The following MTSS1 variants were observed in gnomAD, a reference collection of about 807,000 sequenced individuals.
The protein encoded by MTSS1 is protein MTSS 1.
In MTSS1, 18 loss-of-function variants were observed where a neutral mutation model predicts 79.0. The observed-to-expected ratio is 0.23, with a 90% CI of 0.16 to 0.34. The LOEUF is 0.34. MTSS1 is among the 10% of genes least tolerant of loss of function. MTSS1 has a pLI of 1.00. For synonymous variants in MTSS1, 341 were observed against 368.6 expected (o/e 0.93, Z 0.86); for missense variants, 815 against 986.2 (o/e 0.83, Z 2.33).
At chr8:124,651,464 T>TG (rs1287825747) in intron 3 of MTSS1, among the ~76,000 whole-genome samples, 217 of 147,744 alleles carry the variant, frequency 1.5e-3, no homozygotes, top group Non-Finnish European at 2.4e-3. Context: ...TTTTTTTTGG[T>TG]GGGGGGGGAG....
intron 6 of MTSS1, among the ~76,000 whole-genome samples, chr8:124,574,863 A>C (rs1010096960): frequency 5.3e-5 from 8 of 152,122 alleles, no homozygotes; most frequent in African/African-American, 1.7e-4. Flanking sequence ...GACTCACACA[A>C]ATTCATTCTA....
chr8:124,569,688 T>C (rs1827317657), intron 6 of MTSS1, among the ~76,000 whole-genome samples: 1 of 152,208 alleles, frequency 6.6e-6, no homozygotes, highest in South Asian at 2.1e-4. Context: ...CCTAGTACAA[T>C]GTCATGTGTG....
chr8:124,686,963 C>T (rs988515730), intron 3 of MTSS1, among the ~76,000 whole-genome samples: 1 of 152,074 alleles, frequency 6.6e-6, no homozygotes, highest in Admixed American at 6.6e-5. Context: ...CCAAGAGTTT[C>T]CCCATTTGCA....
At chr8:124,590,923 G>A (rs1303389923) in intron 4 of MTSS1, among the ~76,000 whole-genome samples, 3 of 152,372 alleles carry the variant, frequency 2.0e-5, no homozygotes, top group Admixed American at 2.0e-4. Flanking sequence ...GACCCATGCA[G>A]GAGCACAGGC....
chr8:124,556,509 G>A, intron 11 of MTSS1, 104 bp from the exon 12 acceptor site: 1 of 1,302,168 alleles, frequency 7.7e-7, no homozygotes, highest in Non-Finnish European at 1.0e-6. Flanking sequence ...GTCCCCTTAA[G>A]GGGAACCTCC....
At chr8:124,560,632 C>T (rs1825071761) in intron 10 of MTSS1, among the ~76,000 whole-genome samples, 1 of 152,152 alleles carries the variant, frequency 6.6e-6, no homozygotes, top group African/African-American at 2.4e-5. Flanking sequence ...TCCTGGGCAA[C>T]AGAGTGAGAC....
chr8:124,622,659 G>A (rs1813811984), intron 3 of MTSS1, among the ~76,000 whole-genome samples: 1 of 151,938 alleles, frequency 6.6e-6, no homozygotes, highest in African/African-American at 2.4e-5. Flanking sequence ...GCTGGTCTTG[G>A]TGGCATACTC....
intron 1 of MTSS1, among the ~76,000 whole-genome samples, chr8:124,716,983 T>C: frequency 6.7e-6 from 1 of 149,264 alleles, no homozygotes; most frequent in East Asian, 1.9e-4. Context: ...GTACTTGTTG[T>C]AGGGTTGCTT....
At chr8:124,588,808 G>A (rs773668008) in intron 5 of MTSS1, among the ~76,000 whole-genome samples, 4 of 152,128 alleles carry the variant, frequency 2.6e-5, no homozygotes, top group Admixed American at 6.6e-5. Flanking sequence ...TCTGCCTCCT[G>A]GGTTCAAACA....
chr8:124,581,462 ATT>A (rs1251577592), intron 6 of MTSS1, among the ~76,000 whole-genome samples: 1 of 86,396 alleles, frequency 1.2e-5, no homozygotes, highest in African/African-American at 4.3e-5. Context: ...GAATTTTTTT[ATT>A]TTTTTTTTTG....
At chr8:124,609,910 T>C (rs1835497706) in intron 3 of MTSS1, among the ~76,000 whole-genome samples, 1 of 152,160 alleles carries the variant, frequency 6.6e-6, no homozygotes, top group African/African-American at 2.4e-5. Flanking sequence ...TGGGGGGAAA[T>C]GAGACATTCT....
At chr8:124,574,475 C>G (rs1828552452) in intron 6 of MTSS1, among the ~76,000 whole-genome samples, 1 of 152,230 alleles carries the variant, frequency 6.6e-6, no homozygotes, top group African/African-American at 2.4e-5. Context: ...ACGGGCACAG[C>G]TAGAATCCAG....
At chr8:124,724,337 G>C (rs751780499) in intron 1 of MTSS1, among the ~76,000 whole-genome samples, 7 of 152,152 alleles carry the variant, frequency 4.6e-5, no homozygotes, top group Admixed American at 1.3e-4. Context: ...AAACACAGGT[G>C]GGGGGCGGTG....
intron 6 of MTSS1, among the ~76,000 whole-genome samples, chr8:124,579,209 G>A (rs1298956518): frequency 1.3e-5 from 2 of 152,118 alleles, no homozygotes; most frequent in Admixed American, 6.6e-5. Context: ...TCAGGCTCTC[G>A]GCAAAGGTTC....
At chr8:124,692,775 C>T (rs572419837) in intron 3 of MTSS1, among the ~76,000 whole-genome samples, 6 of 152,234 alleles carry the variant, frequency 3.9e-5, no homozygotes, top group East Asian at 1.9e-4. Context: ...CGAGAACTGA[C>T]GGGCTTCCCA....
rs553224506 is a variant in MTSS1 at position 124,594,361 on chromosome 8, T to A, written c.209-3126A>T. ...GCCTGGCCAACATGATGAAACCTCA[T>A]CTCTACTAAAAATACAAAAATCAGC... On this transcript the variant is annotated intron_variant, in intron 3 of 13. Coordinates refer to ENST00000518547, the MANE Select transcript of MTSS1 (RefSeq NM_014751.6). 2.6e-5 allele frequency among the ~76,000 whole-genome samples: 4 copies of A among 152,154 alleles called. No individual in the cohort carries two copies. The South Asian group carries it at 8.3e-4, about 32-fold the overall frequency.
chr8:124,617,261 C>T (rs762666659), intron 3 of MTSS1, among the ~76,000 whole-genome samples: 1 of 152,192 alleles, frequency 6.6e-6, no homozygotes, highest in Non-Finnish European at 1.5e-5. Flanking sequence ...GGAGCTGCCC[C>T]TAAGGGGCAG....
chr8:124,609,242 A>C (rs1368563664), intron 3 of MTSS1, among the ~76,000 whole-genome samples: 2 of 152,150 alleles, frequency 1.3e-5, no homozygotes, highest in African/African-American at 4.8e-5. Flanking sequence ...CTGCTGATGA[A>C]GCTTCTCCAC....
At position 124,727,600 on chromosome 8, in the gene MTSS1, T is replaced by C. The variant is rs1259501375; in HGVS notation, c.72+284A>G. 2 of 593,716 alleles carry C rather than the reference T, an allele frequency of 3.4e-6. No homozygotes were observed. The highest frequency in any genetic ancestry group is 6.3e-6 in the Non-Finnish European group (2 of 315,314). The allele number at this position is 593,716 out of a possible 1,614,324, so 36.8% of individuals were successfully genotyped here. The stretch of plus-strand genomic sequence containing the variant: ...ATGGGAAAACTTGCAGCCAGTGCCT[T>C]GAGCCCCCGAGGGAAAGAAATGGTG... On this transcript the variant is annotated intron_variant, in intron 1 of 13. Coordinates refer to ENST00000518547, the MANE Select transcript of MTSS1 (RefSeq NM_014751.6). This position sits in a 1 kb window ranked among gnomAD's most constrained non-coding sequence, Gnocchi z 4.7.
Sources: allele counts gnomAD v4.1 joint callset (sites outside exome capture counted in the v4.1 genomes callset), GRCh38; gene constraint gnomAD v4.1.1; non-coding constraint Gnocchi (gnomAD v3.1); transcripts MANE v1.5; gene names NCBI Gene and HGNC (gene_info 2026-07-23, HGNC 2026-07-21).